The following ATRN variants were observed in gnomAD, a reference collection of about 807,000 sequenced individuals.
The protein encoded by ATRN is attractin.
A neutral mutation model predicts 178.7 loss-of-function variants in ATRN; 54 were observed. That is an observed-to-expected ratio of 0.30 (90% CI 0.24 to 0.38). ATRN has a LOEUF of 0.38. Ranked by LOEUF, ATRN falls within the 10% of genes least tolerant of loss-of-function variation. ATRN has a pLI of 1.00. For synonymous variants in ATRN, 636 were observed against 663.0 expected (o/e 0.96, Z 0.63); for missense variants, 1,443 against 1,815.1 (o/e 0.79, Z 3.73).
At chr20:3,511,840 G>A (rs1025352722) in intron 1 of ATRN, among the ~76,000 whole-genome samples, 1 of 151,774 alleles carries the variant, frequency 6.6e-6, no homozygotes, top group African/African-American at 2.4e-5. Flanking sequence ...AAATGTGTGG[G>A]GCATTTGTTT....
At chr20:3,570,775 A>T (rs2086663979) in intron 11 of ATRN, among the ~76,000 whole-genome samples, 1 of 152,232 alleles carries the variant, frequency 6.6e-6, no homozygotes, top group South Asian at 2.1e-4. Context: ...TTTTTCTCTA[A>T]AAAGTTCTAG....
chr20:3,547,527 A>T, intron 5 of ATRN, 38 bp downstream of exon 5: 1 of 1,481,316 alleles, frequency 6.8e-7, no homozygotes. Flanking sequence ...TCTTCCATTT[A>T]TAGAACATTC....
chr20:3,562,254 T>A (rs1225510740), intron 8 of ATRN, 22 bp from the exon 9 acceptor site: 11 of 1,599,756 alleles, frequency 6.9e-6, no homozygotes, highest in Non-Finnish European at 9.4e-6. Context: ...CATGCTTGCC[T>A]TTAACTGTCT....
intron 12 of ATRN, among the ~76,000 whole-genome samples, chr20:3,574,465 T>C (rs775247303): frequency 6.6e-6 from 1 of 152,156 alleles, no homozygotes; most frequent in African/African-American, 2.4e-5. Context: ...CAGTGAGGCA[T>C]GAGTGTGCCA....
At chr20:3,616,081 C>T (rs1247056679) in intron 24 of ATRN, 1 of 166,098 alleles carries the variant, frequency 6.0e-6, no homozygotes, top group Non-Finnish European at 1.3e-5. Context: ...ATTCCTTTGT[C>T]TCGAAAGTCC....
intron 1 of ATRN, among the ~76,000 whole-genome samples, chr20:3,488,262 T>C (rs1202239326): frequency 6.6e-6 from 1 of 152,230 alleles, no homozygotes; most frequent in Non-Finnish European, 1.5e-5. Flanking sequence ...TTGAAATCTT[T>C]CCCTATTCCA....
intron 6 of ATRN, among the ~76,000 whole-genome samples, chr20:3,550,028 T>C (rs1833988774): frequency 6.6e-6 from 1 of 151,532 alleles, no homozygotes; most frequent in South Asian, 2.1e-4. Flanking sequence ...GAGCAACATC[T>C]ATAATAAAAC....
In ATRN at chr20:3,575,894, C is replaced by T. The variant is rs758460893; in HGVS notation, c.2160C>T (p.Cys720=). The T allele has an allele frequency of 1.9e-6, 3 of 1,613,906 alleles. No individual in the cohort carries two copies. The South Asian group carries it at 3.3e-5, about 18-fold the overall frequency. The change falls in exon 13 of 29, where the codon TGC becomes TGT. Residue 720 remains cysteine, a synonymous_variant. Transcript: ENST00000262919. ...CYSCTANTND[C]HWCNDHCVPR... ...GCTGCACAGCCAACACCAATGACTG[C>T]CACTGGTGCAATGACCATTGTGTCC...
chr20:3,509,382 G>A (rs535727594), intron 1 of ATRN, among the ~76,000 whole-genome samples: 35 of 152,162 alleles, frequency 2.3e-4, no homozygotes, highest in African/African-American at 8.4e-4. Context: ...AAATAGTAAC[G>A]TTTCATAATG....
chr20:3,521,510 G>C (rs760192638), intron 1 of ATRN, among the ~76,000 whole-genome samples: 4 of 152,152 alleles, frequency 2.6e-5, no homozygotes, highest in Non-Finnish European at 5.9e-5. Context: ...CAAATGGTCA[G>C]AACTAAAATG....
chr20:3,492,298 G>A (rs144966588), intron 1 of ATRN, among the ~76,000 whole-genome samples: 3 of 151,898 alleles, frequency 2.0e-5, no homozygotes, highest in Admixed American at 1.3e-4. Flanking sequence ...CATGAGAATT[G>A]GCTTCGCAGG....
chr20:3,481,383 C>G (rs1012808592), intron 1 of ATRN, among the ~76,000 whole-genome samples: 4 of 152,158 alleles, frequency 2.6e-5, no homozygotes, highest in Non-Finnish European at 4.4e-5. Context: ...CCCTGTCACC[C>G]GTGCTGAAGT....
chr20:3,500,281 C>T (rs1431174198), intron 1 of ATRN, among the ~76,000 whole-genome samples: 1 of 152,158 alleles, frequency 6.6e-6, no homozygotes, highest in South Asian at 2.1e-4. Flanking sequence ...TATGGTGATT[C>T]CTCAGGGATC....
At chr20:3,554,208 C>T (rs545451185) in intron 6 of ATRN, among the ~76,000 whole-genome samples, 20 of 151,432 alleles carry the variant, frequency 1.3e-4, no homozygotes, top group South Asian at 4.2e-4. Context: ...ATTTGTTTCA[C>T]GTAAATATTA....
At chr20:3,484,772 G>T (rs2084667683) in intron 1 of ATRN, among the ~76,000 whole-genome samples, 1 of 146,878 alleles carries the variant, frequency 6.8e-6, no homozygotes, top group African/African-American at 2.5e-5. Context: ...TCCAGTTTAG[G>T]TCTCATATCT....
intron 19 of ATRN, among the ~76,000 whole-genome samples, chr20:3,591,638 G>A (rs1045798653): frequency 3.9e-5 from 6 of 152,134 alleles, no homozygotes; most frequent in African/African-American, 1.2e-4. Flanking sequence ...AGAGGGATCA[G>A]CTCAGACATG....
At chr20:3,573,067 A>G in intron 12 of ATRN, 116 bp downstream of exon 12, 1 of 916,494 alleles carries the variant, frequency 1.1e-6, no homozygotes, top group South Asian at 1.7e-5. Flanking sequence ...AAAATTATTC[A>G]GTAATAACTT....
In ATRN at chr20:3,507,523, A is replaced by G. The variant is rs187894870; in HGVS notation, c.411-27730A>G. ...TTGTAATTAGAACTCCAAAAGGAGA[A>G]AAAAAGAGTGGAGCAGAAGCAATAC... is the stretch of plus-strand genomic sequence containing the variant. On this transcript the variant is annotated intron_variant, in intron 1 of 28. Transcript: ENST00000262919. 6.0e-3 allele frequency among the ~76,000 whole-genome samples: 919 copies of G among 152,120 alleles called. 13 individuals are homozygous for G. The highest frequency in any genetic ancestry group is 0.021 in the African/African-American group (854 of 41,512).
intron 1 of ATRN, among the ~76,000 whole-genome samples, chr20:3,533,620 A>G (rs2085484381): frequency 6.6e-6 from 1 of 152,038 alleles, no homozygotes; most frequent in African/African-American, 2.4e-5. Flanking sequence ...GTTGGGGATG[A>G]CAGAGCAATA....
Sources: allele counts gnomAD v4.1 joint callset (sites outside exome capture counted in the v4.1 genomes callset), GRCh38; gene constraint gnomAD v4.1.1; transcripts MANE v1.5; gene names NCBI Gene and HGNC (gene_info 2026-07-23, HGNC 2026-07-21).